STK38L: variants seen among roughly 807,000 people sequenced by gnomAD.
The protein encoded by STK38L is serine/threonine-protein kinase 38-like.
A neutral mutation model predicts 59.7 loss-of-function variants in STK38L; 28 were observed. The observed-to-expected ratio is 0.47, with a 90% confidence interval of 0.35 to 0.64. The LOEUF (loss-of-function observed/expected upper bound fraction) is 0.64, where lower values mean the gene tolerates loss of function less well. Among genes scored for constraint, STK38L ranks in the 30% least tolerant of loss-of-function variants. The pLI is 0.01. For missense variants in STK38L, 314 were observed against 555.8 expected (o/e 0.56, Z 4.37); for synonymous variants, 162 against 176.8 (o/e 0.92, Z 0.66).
chr12:27,282,012 G>T (rs1943671556), intron 1 of STK38L, among the ~76,000 whole-genome samples: 1 of 152,110 alleles, frequency 6.6e-6, no homozygotes, highest in Non-Finnish European at 1.5e-5. Context: ...CTCCAGCCTG[G>T]GTGACAGAGG....
intron 13 of STK38L, 22 bp downstream of exon 13, chr12:27,322,256 C>T (rs2136654801): frequency 6.2e-7 from 1 of 1,613,378 alleles, no homozygotes; most frequent in East Asian, 2.2e-5. Context: ...TGTAATGTAA[C>T]TAACCCTATT....
chr12:27,322,508 G>C lies in STK38L; in HGVS notation c.*53G>C, dbSNP rs1944755860. 1 of 1,588,728 alleles carries C rather than the reference G, an allele frequency of 6.3e-7. No homozygotes were observed. Among genetic ancestry groups the C allele is most frequent in the Non-Finnish European group, 8.5e-7 (1 of 1,171,244 alleles). ...GAGAACTCAGGTAGCTGCATCACCA[G>C]GCTTGCTTGGCGTAGATAACAATAC... is the stretch of plus-strand genomic sequence containing the variant. On this transcript the variant is annotated 3_prime_UTR_variant, in exon 14 of 14. Coordinates refer to ENST00000389032, the MANE Select transcript of STK38L (RefSeq NM_015000.4).
In STK38L at chr12:27,277,968, T is replaced by C. The variant is rs1014360632; in HGVS notation, c.-11-19742T>C. ...GTCAGGAAACTGGGTGGAGTTTTTA[T>C]GGATGCAAGTCCAGTGGAGGAGGGA... On this transcript the variant is annotated intron_variant, in intron 1 of 13. Coordinates refer to ENST00000389032, the MANE Select transcript of STK38L (RefSeq NM_015000.4). 2.6e-5 allele frequency among the ~76,000 whole-genome samples: 4 copies of C among 152,298 alleles called. No homozygotes were observed. In the South Asian group the frequency reaches 8.3e-4, roughly 32 times the overall value.
At chr12:27,246,702 G>GT (rs1942861665) in intron 1 of STK38L, among the ~76,000 whole-genome samples, 1 of 152,070 alleles carries the variant, frequency 6.6e-6, no homozygotes, top group African/African-American at 2.4e-5. Flanking sequence ...CAAAATTTTT[G>GT]TTTAAGTCTT....
At chr12:27,301,903 G>A (rs11048968) in intron 2 of STK38L, among the ~76,000 whole-genome samples, 7,051 of 152,182 alleles carry the variant, frequency 0.046, 516 homozygotes, top group African/African-American at 0.16. Context: ...AGGCAGGAGC[G>A]TGAAGTAAGC....
At position 27,322,185 on chromosome 12, in the gene STK38L, T is replaced by C; in HGVS notation, c.1218T>C (p.Asp406=). Residue 406 remains aspartate (D), a synonymous_variant, in exon 13 of 14, where the codon GAT becomes GAC. Transcript: ENST00000389032. ...AAIPIEIKSI[D]DTSNFDDFPE... is the part of the protein sequence containing the mutation. ...TCCCTATAGAAATCAAAAGCATTGA[T>C]GATACTTCAAATTTTGATGACTTCC... 1 of 1,613,980 alleles carries C rather than the reference T, an allele frequency of 6.2e-7. No homozygotes were observed. The highest frequency in any genetic ancestry group is 8.5e-7 in the Non-Finnish European group (1 of 1,179,950).
At chr12:27,261,938 G>C (rs1316762706) in intron 1 of STK38L, among the ~76,000 whole-genome samples, 1 of 152,204 alleles carries the variant, frequency 6.6e-6, no homozygotes. Flanking sequence ...ATGGCATACA[G>C]TTCTGTTTAT....
Position 27,289,139 on chromosome 12 carries a change from A to G in STK38L, c.-11-8571A>G, listed in dbSNP as rs74893313. ...TTTTGCAGACAAAATCTAGTGCACT[A>G]CCAGATAGGCATATAGCAATAGAAC... is the stretch of plus-strand genomic sequence containing the variant. On this transcript the variant is annotated intron_variant, in intron 1 of 13. Coordinates refer to ENST00000389032, the MANE Select transcript of STK38L (RefSeq NM_015000.4). 2.2e-3 allele frequency among the ~76,000 whole-genome samples: 333 copies of G among 152,312 alleles called. 8 individuals are homozygous for G. The East Asian group carries it at 0.045, about 21-fold the overall frequency.
rs1321465618 is a variant in STK38L at position 27,324,857 on chromosome 12, A to G, written c.*2402A>G. On this transcript the variant is annotated 3_prime_UTR_variant, in exon 14 of 14. Coordinates refer to ENST00000389032, the MANE Select transcript of STK38L (RefSeq NM_015000.4). ...CTTGAGATTGAATTTTCTCTATTAT[A>G]TATTTCCCATATTTCAGGTGAATAA... 2 of 152,146 alleles carry G rather than the reference A, an allele frequency of 1.3e-5. No individual in the cohort carries two copies. The highest frequency in any genetic ancestry group is 1.5e-5 in the Non-Finnish European group (1 of 67,978). 9.4% of individuals were successfully genotyped at this position (152,146 alleles called of 1,614,324 possible). A position where few individuals can be genotyped will look rare whatever the true frequency, so the allele number is the denominator to read the frequency against.
intron 1 of STK38L, among the ~76,000 whole-genome samples, chr12:27,259,493 T>G (rs999140411): frequency 1.3e-5 from 2 of 152,190 alleles, no homozygotes; most frequent in African/African-American, 4.8e-5. Flanking sequence ...GATTGAGTGA[T>G]GGACACTGGA....
At chr12:27,314,438 C>A in intron 6 of STK38L, 66 bp from the exon 7 acceptor site, 4 of 1,202,162 alleles carry the variant, frequency 3.3e-6, no homozygotes, top group Admixed American at 3.0e-5. Context: ...AGCAGGAAAG[C>A]TTTTACAAGG....
intron 1 of STK38L, among the ~76,000 whole-genome samples, chr12:27,263,743 A>G (rs1485319875): frequency 6.6e-6 from 1 of 152,214 alleles, no homozygotes; most frequent in Non-Finnish European, 1.5e-5. Context: ...CATTCTGAGT[A>G]CTTTGGGGGA....
intron 1 of STK38L, among the ~76,000 whole-genome samples, chr12:27,296,850 A>C (rs1240326975): frequency 6.6e-6 from 1 of 152,200 alleles, no homozygotes; most frequent in Non-Finnish European, 1.5e-5. Flanking sequence ...CACACTCCTT[A>C]TCTAATAGTC....
rs540034488 is a variant in STK38L, at chr12:27,315,501, T to A, written c.837+151T>A. On this transcript the variant is annotated intron_variant, in intron 9 of 13. Transcript: ENST00000389032. ...GGGATCACACAGTTTTCTTAGTTTCTCTGTTAAGTTTCCTTGCCTGTAAAG... is the reference window on the plus strand; with the variant it reads ...GGGATCACACAGTTTTCTTAGTTTCACTGTTAAGTTTCCTTGCCTGTAAAG... The A allele has an allele frequency of 7.4e-6, 5 of 672,276 alleles. No homozygotes were observed. In the East Asian group the frequency reaches 1.2e-4, roughly 16 times the overall value. 41.6% of individuals were successfully genotyped at this position (672,276 alleles called of 1,614,324 possible).
rs1226176177 is a variant in STK38L, at chr12:27,308,229, A to C, written c.187-110A>C. ...AATTGTTTTAGCCTAATAGTATATT[A>C]CATATTAGTGCTATCATTTATTTTT... is the stretch of plus-strand genomic sequence containing the variant. On this transcript the variant is annotated intron_variant, in intron 3 of 13. Transcript: ENST00000389032. This position sits in a 1 kb window ranked among gnomAD's most constrained non-coding sequence, Gnocchi z 4.5. The C allele has an allele frequency of 9.5e-7, 1 of 1,051,668 alleles. No individual in the cohort carries two copies. The highest frequency in any genetic ancestry group is 1.3e-6 in the Non-Finnish European group (1 of 780,398). 65.1% of individuals were successfully genotyped at this position (1,051,668 alleles called of 1,614,324 possible). A position where few individuals can be genotyped will look rare whatever the true frequency, so the allele number is the denominator to read the frequency against.
chr12:27,245,131 G>A (rs1942821678), intron 1 of STK38L, among the ~76,000 whole-genome samples: 1 of 152,098 alleles, frequency 6.6e-6, no homozygotes, highest in South Asian at 2.1e-4. Context: ...ATAGCTTTTC[G>A]GGTTCTAAGT....
chr12:27,257,084 T>G (rs983535844), intron 1 of STK38L, among the ~76,000 whole-genome samples: 18 of 152,216 alleles, frequency 1.2e-4, no homozygotes, highest in African/African-American at 3.9e-4. Context: ...AATTTACTTA[T>G]AGTTAGCAAG....
At chr12:27,314,414 A>G (rs1408879254) in intron 6 of STK38L, 90 bp from the exon 7 acceptor site, 16 of 1,185,674 alleles carry the variant, frequency 1.3e-5, no homozygotes, top group Non-Finnish European at 5.6e-6. Flanking sequence ...AAAAAAAAAA[A>G]AAAAAGTAAA....
chr12:27,260,019 G>T (rs1159571321), intron 1 of STK38L, among the ~76,000 whole-genome samples: 1 of 152,070 alleles, frequency 6.6e-6, no homozygotes, highest in Non-Finnish European at 1.5e-5. Context: ...TCTTTTTGTT[G>T]TGACTAGAAG....
Sources: gnomAD v4.1 joint callset for allele counts (sites outside exome capture counted in the v4.1 genomes callset) on GRCh38, gnomAD v4.1.1 for gene constraint, Gnocchi (gnomAD v3.1) non-coding constraint, MANE v1.5 for transcripts, NCBI Gene and HGNC (gene_info 2026-07-23, HGNC 2026-07-21) for gene names.